TSPAN6: variants seen among roughly 807,000 people sequenced by gnomAD.
The protein encoded by TSPAN6 is tetraspanin-6.
Under a neutral mutation model 18.0 loss-of-function variants are expected in TSPAN6, and 13 were observed. The observed-to-expected ratio is 0.72, with a 90% CI of 0.47 to 1.15. The LOEUF (loss-of-function observed/expected upper bound fraction) is 1.15. Among genes scored for constraint, TSPAN6 ranks in the 50% most tolerant of loss-of-function variants. TSPAN6 has a pLI of 0.00. For missense variants in TSPAN6, 186 were observed against 183.9 expected, an observed-to-expected ratio of 1.01 and a Z score of -0.07; for synonymous variants, 82 against 67.0, an observed-to-expected ratio of 1.22 and a Z score of -1.09.
Position 100,630,828 on chromosome X carries a change from G to A in TSPAN6, c.708C>T (p.Ala236=), listed in dbSNP as rs1162279774. ...CTATCTCATACTGGTTATTTGTTAT[G>A]GCACGAGAGAGGCAGTAGGCGAGAA... is the stretch of plus-strand genomic sequence containing the variant. ...GIFLAYCLSR[A]ITNNQYEIV Residue 236 remains alanine (A), a synonymous_variant, in exon 7 of 8, where the codon GCC becomes GCT. Transcript: ENST00000373020. The A allele has an allele frequency of 8.3e-7, 1 of 1,210,423 alleles. No homozygotes were observed. The highest frequency in any genetic ancestry group is 1.8e-5 in the South Asian group (1 of 56,839).
At chrX:100,635,365 T>C in intron 2 of TSPAN6, 113 bp from the exon 3 acceptor site, 3 of 684,943 alleles carry the variant, frequency 4.4e-6, no homozygotes, top group South Asian at 5.7e-5. Context: ...CATGTTTTCA[T>C]TGAAAAGGGC....
At chrX:100,630,917 C>T (rs1463483310) in intron 6 of TSPAN6, 51 bp from the exon 7 acceptor site, 1 of 918,972 alleles carries the variant, frequency 1.1e-6, no homozygotes, top group Admixed American at 2.3e-5. Context: ...AGAACTTGAA[C>T]ACCTCAGACT....
intron 1 of TSPAN6, 53 bp downstream of exon 1, chrX:100,636,555 C>A (rs757630480): frequency 7.8e-6 from 9 of 1,158,041 alleles, no homozygotes; most frequent in African/African-American, 7.1e-5. Context: ...TCACACCCCC[C>A]ACAACTAAAA....
chrX:100,634,120 A>G (rs1232975727), intron 3 of TSPAN6, 91 bp from the exon 4 acceptor site: 5 of 551,734 alleles, frequency 9.1e-6, no homozygotes, highest in South Asian at 2.8e-5. Context: ...ACCAATGGTC[A>G]TATCTTTGAC....
rs995823777 is a variant in TSPAN6, at chrX:100,635,734, T to C, written c.100A>G (p.Ile34Val). 2 of 1,171,761 alleles carry C rather than the reference T, an allele frequency of 1.7e-6. No homozygotes were observed. Among genetic ancestry groups the C allele is most frequent in the South Asian group, 1.9e-5 (1 of 51,485 alleles). ...YTFIFWITGV[I>V]LLAVGIWGKV... Reference sequence around the variant, plus strand: ...CCCCAAATGCCAACTGCAAGAAGGATAACGCCAGTGATCTATGTGGGAATT... The same window carrying C: ...CCCCAAATGCCAACTGCAAGAAGGACAACGCCAGTGATCTATGTGGGAATT... Residue 34 changes from isoleucine to valine, a missense_variant, in exon 2 of 8, where the codon ATC (isoleucine) becomes GTC (valine). Ile to Val is a conservative substitution (Grantham distance 29). Transcript: ENST00000373020.
In TSPAN6 at chrX:100,635,595, A is replaced by G; in HGVS notation, c.239T>C (p.Phe80Ser). The G allele has an allele frequency of 8.3e-7, 1 of 1,200,241 alleles. No individual in the cohort carries two copies. The highest frequency in any genetic ancestry group is 1.1e-6 in the Non-Finnish European group (1 of 888,291). ...VIILLGTFGC[F>S]ATCRASAWML... ...CCATGCAGAAGCTCGGCAGGTAGCA[A>G]AACAACCAAAGGTGCCCAAAAGAAT... The change falls in exon 2 of 8, where the codon TTT (phenylalanine) becomes TCT (serine). Residue 80 changes from phenylalanine to serine, a missense_variant. Physicochemically the swap from Phe to Ser is radical, Grantham distance 155. Transcript: ENST00000373020.
chrX:100,635,627 G>C lies in TSPAN6; in HGVS notation c.207C>G (p.Thr69=), dbSNP rs761681632. ...NVPFVLIATG[T]VIILLGTFGC... is the part of the protein sequence containing the mutation. ...CAAAGGTGCCCAAAAGAATAATGAC[G>C]GTACCAGTAGCAATGAGCACGAAGG... The change falls in exon 2 of 8, where the codon ACC becomes ACG. Residue 69 remains threonine, a synonymous_variant. Transcript: ENST00000373020. 2 of 1,199,960 alleles carry C rather than the reference G, an allele frequency of 1.7e-6. No individual in the cohort carries two copies. The highest frequency in any genetic ancestry group is 3.0e-5 in the East Asian group (1 of 33,596).
At chrX:100,632,894 T>C (rs1420955518) in intron 5 of TSPAN6, among the ~76,000 whole-genome samples, 1 of 109,281 alleles carries the variant, frequency 9.2e-6, no homozygotes, top group Admixed American at 9.9e-5. Context: ...ACACTGTACT[T>C]CAGACTGGGT....
At chrX:100,632,464 T>A in intron 6 of TSPAN6, 21 bp downstream of exon 6, 1 of 1,144,398 alleles carries the variant, frequency 8.7e-7, no homozygotes. Flanking sequence ...AAATATTTCC[T>A]AAGTAACTAC....
chrX:100,636,722 AC>A lies in TSPAN6; in HGVS notation c.-29del. Reference sequence around the variant, plus strand: ...CTAGCCCGAGACCCTGCACCACCGCACCGGGCGATTGGAACACAGAGAGCGA... The same window carrying A: ...CTAGCCCGAGACCCTGCACCACCGCACGGGCGATTGGAACACAGAGAGCGA... On this transcript the variant is annotated 5_prime_UTR_variant, in exon 1 of 8. Transcript: ENST00000373020. The A allele has an allele frequency of 8.5e-7, 1 of 1,180,552 alleles. No individual in the cohort carries two copies. Among genetic ancestry groups the A allele is most frequent in the South Asian group, 2.0e-5 (1 of 50,466 alleles).
intron 5 of TSPAN6, 48 bp from the exon 6 acceptor site, chrX:100,632,616 T>C: frequency 1.1e-6 from 1 of 887,370 alleles, no homozygotes; most frequent in Non-Finnish European, 1.6e-6. Context: ...AAGCAGCCTG[T>C]GCTTTTCTTT....
rs1414849841 is a variant in TSPAN6, at chrX:100,627,212, T to C, written c.*2814A>G. On this transcript the variant is annotated 3_prime_UTR_variant, in exon 8 of 8. Coordinates refer to ENST00000373020, the MANE Select transcript of TSPAN6 (RefSeq NM_003270.4). The stretch of plus-strand genomic sequence containing the variant: ...GGAAATCTAACAAGCTTTTCACACT[T>C]AAGATATACCTAGAGATTTCTGCTT... The C allele has an allele frequency of 8.9e-6, 1 of 111,992 alleles. No homozygotes were observed. Among genetic ancestry groups the C allele is most frequent in the Non-Finnish European group, 1.9e-5 (1 of 53,230 alleles). 9.2% of individuals were successfully genotyped at this position (111,992 alleles called of 1,213,427 possible).
chrX:100,635,526 A>G, intron 2 of TSPAN6, 32 bp downstream of exon 2: 1 of 1,136,449 alleles, frequency 8.8e-7, no homozygotes, highest in Non-Finnish European at 1.2e-6. Flanking sequence ...TTCTAAAACC[A>G]AGAATCAATT....
rs922257814 is a variant in TSPAN6 at position 100,628,952 on chromosome X, T to C, written c.*1074A>G. The C allele has an allele frequency of 1.8e-5, 2 of 112,092 alleles. No homozygotes were observed. The highest frequency in any genetic ancestry group is 3.8e-5 in the Non-Finnish European group (2 of 53,262). The allele number at this position is 112,092 out of a possible 1,213,427, so 9.2% of individuals were successfully genotyped here. A position where few individuals can be genotyped will look rare whatever the true frequency, so the allele number is the denominator to read the frequency against. ...AAAAACAGTACTCTGAATAGAAATG[T>C]AGGGCTTAGCTTTCTCAGTGGAAAA... On this transcript the variant is annotated 3_prime_UTR_variant, in exon 8 of 8. Transcript: ENST00000373020.
rs974199301 is a variant in TSPAN6 at position 100,627,421 on chromosome X, G to C, written c.*2605C>G. ...AAACCCCCAGCCTGTGCCACTAAGG[G>C]AAACTCACTCCCTCTGCCATTAGGA... On this transcript the variant is annotated 3_prime_UTR_variant, in exon 8 of 8. Transcript: ENST00000373020. 6 of 111,939 alleles carry C rather than the reference G, an allele frequency of 5.4e-5. No individual in the cohort carries two copies. Among genetic ancestry groups the C allele is most frequent in the African/African-American group, 2.0e-4 (6 of 30,762 alleles). 9.2% of individuals were successfully genotyped at this position (111,939 alleles called of 1,213,427 possible). A position where few individuals can be genotyped will look rare whatever the true frequency, so the allele number is the denominator to read the frequency against.
chrX:100,632,316 A>C (rs2083065041), intron 6 of TSPAN6, among the ~76,000 whole-genome samples, 169 bp downstream of exon 6: 1 of 110,901 alleles, frequency 9.0e-6, no homozygotes, highest in Non-Finnish European at 1.9e-5. Flanking sequence ...CTGAGGTGGG[A>C]GAATCGCTTG....
rs1448937142 is a variant in TSPAN6 at position 100,636,772 on chromosome X, C to T, written c.-78G>A. 4.8e-6 allele frequency: 5 copies of T among 1,035,661 alleles called. No homozygotes were observed. The highest frequency in any genetic ancestry group is 6.4e-6 in the Non-Finnish European group (5 of 784,972). 85.4% of individuals were successfully genotyped at this position (1,035,661 alleles called of 1,213,427 possible). Reference sequence around the variant, plus strand: ...GAGACGCGGAGTCCCCGAGTCTCCCCGGAAACTGCCGAAAACTTACGAGCG... The same window carrying T: ...GAGACGCGGAGTCCCCGAGTCTCCCTGGAAACTGCCGAAAACTTACGAGCG... On this transcript the variant is annotated 5_prime_UTR_variant, in exon 1 of 8. Transcript: ENST00000373020.
At chrX:100,636,521 G>T in intron 1 of TSPAN6, 87 bp downstream of exon 1, 1 of 1,089,581 alleles carries the variant, frequency 9.2e-7, no homozygotes, top group South Asian at 2.6e-5. Context: ...CACCGTTCCC[G>T]ACCTGAGCTC....
Position 100,635,603 on chromosome X carries a change from A to G in TSPAN6, c.231T>C (p.Phe77=), listed in dbSNP as rs774985793. The G allele has an allele frequency of 4.2e-6, 5 of 1,201,764 alleles. No homozygotes were observed. In the Admixed American group the frequency reaches 1.1e-4, roughly 26 times the overall value. Residue 77 remains phenylalanine (F), a synonymous_variant, in exon 2 of 8, where the codon TTT becomes TTC. Coordinates refer to ENST00000373020, the MANE Select transcript of TSPAN6 (RefSeq NM_003270.4). The part of the protein sequence containing the change: ...TGTVIILLGT[F]GCFATCRASA... ...AAGCTCGGCAGGTAGCAAAACAACC[A>G]AAGGTGCCCAAAAGAATAATGACGG...
Sources: allele counts gnomAD v4.1 joint callset (sites outside exome capture counted in the v4.1 genomes callset), GRCh38; gene constraint gnomAD v4.1.1; transcripts MANE v1.5; gene names NCBI Gene and HGNC (gene_info 2026-07-23, HGNC 2026-07-21).